Variants in ATF7 observed in about 807,000 individuals in gnomAD.
ATF7 encodes the protein activating transcription factor 7.
A neutral mutation model predicts 50.4 loss-of-function variants in ATF7; 10 were observed. The ratio of observed to expected loss-of-function variants is 0.20; its 90% confidence interval spans 0.12 to 0.34. The LOEUF (loss-of-function observed/expected upper bound fraction) is 0.34. Ranked by LOEUF, ATF7 falls within the 10% of genes least tolerant of loss-of-function variation. The pLI, the probability that ATF7 is intolerant of heterozygous loss-of-function variation, is 1.00. For missense variants in ATF7, 465 were observed against 613.9 expected (o/e 0.76, Z 2.56); for synonymous variants, 201 against 226.4 (o/e 0.89, Z 1.01).
intron 1 of ATF7, among the ~76,000 whole-genome samples, chr12:53,611,853 T>A (rs1943892590): frequency 2.0e-5 from 3 of 152,158 alleles, no homozygotes; most frequent in Middle Eastern, 3.4e-3. Flanking sequence ...CTCAGCCTCC[T>A]AAACTGCTGG....
At chr12:53,539,398 C>T (rs920233916) in intron 4 of ATF7, among the ~76,000 whole-genome samples, 1 of 151,892 alleles carries the variant, frequency 6.6e-6, no homozygotes, top group South Asian at 2.1e-4. Flanking sequence ...GTGCAAATAG[C>T]AAAACCCTTT....
At chr12:53,552,731 G>A (rs1361813181) in intron 2 of ATF7, 94 bp from the exon 3 acceptor site, 1 of 931,338 alleles carries the variant, frequency 1.1e-6, no homozygotes, top group Non-Finnish European at 1.7e-6. Context: ...CTTGCAATGA[G>A]ATTGGTCCCT....
chr12:53,534,619 G>T lies in ATF7; in HGVS notation c.443C>A (p.Pro148His). The change falls in exon 6 of 12, where the codon CCC becomes CAC. Residue 148 changes from proline to histidine, a missense_variant. Coordinates refer to ENST00000420353, the MANE Select transcript of ATF7 (RefSeq NM_006856.3). ...CAGGGAGCCAGGACGTACAATGGTG[G>T]GTGTGGGGGTAGAGATCAGAACAGG... ...PKPVLISTPTPTIVRPGSLPL... is the reference protein window; with the variant it reads ...PKPVLISTPTHTIVRPGSLPL... 1 of 1,612,846 alleles carries T rather than the reference G, an allele frequency of 6.2e-7. No homozygotes were observed. The highest frequency in any genetic ancestry group is 1.1e-5 in the South Asian group (1 of 90,900).
At chr12:53,617,797 C>T (rs1944204415) in intron 1 of ATF7, among the ~76,000 whole-genome samples, 1 of 151,856 alleles carries the variant, frequency 6.6e-6, no homozygotes, top group Non-Finnish European at 1.5e-5. Context: ...ACTCATCCTT[C>T]ATTTCCGAGG....
chr12:53,529,325 G>C (rs1177690932), intron 9 of ATF7, among the ~76,000 whole-genome samples: 1 of 151,974 alleles, frequency 6.6e-6, no homozygotes, highest in African/African-American at 2.4e-5. Flanking sequence ...TCGGCCTCCT[G>C]AGTAGCTGGG....
chr12:53,521,725 A>G (rs1432168511), intron 11 of ATF7, among the ~76,000 whole-genome samples: 1 of 152,202 alleles, frequency 6.6e-6, no homozygotes, highest in Admixed American at 6.5e-5. Flanking sequence ...CTCACCCACT[A>G]AAATATAAGC....
Position 53,524,964 on chromosome 12 carries a change from G to A in ATF7, c.928-203C>T. 1.9e-6 allele frequency: 1 copy of A among 540,122 alleles called. No individual in the cohort carries two copies. Among genetic ancestry groups the A allele is most frequent in the South Asian group, 2.7e-5 (1 of 37,342 alleles). 33.5% of individuals were successfully genotyped at this position (540,122 alleles called of 1,614,324 possible). ...CTCCTATTTCCTTCCAGTCTTCTCA[G>A]TCTCATACTTAGACAAACTACAGTT... On this transcript the variant is annotated intron_variant, in intron 9 of 11. Coordinates refer to ENST00000420353, the MANE Select transcript of ATF7 (RefSeq NM_006856.3). This position sits in a 1 kb window ranked among gnomAD's most constrained non-coding sequence, Gnocchi z 4.6.
At chr12:53,533,327 T>G in intron 6 of ATF7, 68 bp from the exon 7 acceptor site, 1 of 1,336,694 alleles carries the variant, frequency 7.5e-7, no homozygotes, top group Non-Finnish European at 1.1e-6. Context: ...CTCTTATAAT[T>G]ACAGAAGATT....
chr12:53,535,308 G>A (rs1205870629), intron 5 of ATF7, among the ~76,000 whole-genome samples: 34 of 134,668 alleles, frequency 2.5e-4, no homozygotes, highest in African/African-American at 9.9e-4. Flanking sequence ...CCAGCCTGGC[G>A]ACAGAGCGAG....
At chr12:53,526,126 C>T (rs1350307367) in intron 9 of ATF7, among the ~76,000 whole-genome samples, 1 of 150,784 alleles carries the variant, frequency 6.6e-6, no homozygotes. Context: ...AGGAGAATTG[C>T]TTGAACCTGA....
chr12:53,533,387 T>C (rs1592804572), intron 6 of ATF7, 128 bp from the exon 7 acceptor site: 2 of 691,598 alleles, frequency 2.9e-6, no homozygotes, highest in South Asian at 3.8e-5. Context: ...GGTAAAAATC[T>C]TGACACCCTC....
chr12:53,528,443 C>G (rs944118885), intron 9 of ATF7, among the ~76,000 whole-genome samples: 1 of 151,978 alleles, frequency 6.6e-6, no homozygotes, highest in South Asian at 2.1e-4. Context: ...GCCTGGGCAA[C>G]ACGGTGAAAC....
At chr12:53,621,572 A>T (rs1284787867) in intron 1 of ATF7, among the ~76,000 whole-genome samples, 1 of 151,986 alleles carries the variant, frequency 6.6e-6, no homozygotes, top group Non-Finnish European at 1.5e-5. Flanking sequence ...ACTTAAAGTC[A>T]GGAGTTCGGG....
chr12:53,608,248 T>C (rs1192370048), intron 1 of ATF7, among the ~76,000 whole-genome samples: 2 of 148,178 alleles, frequency 1.3e-5, no homozygotes, highest in East Asian at 3.9e-4. Flanking sequence ...GAAAGAAGTC[T>C]GAGTTTAAAA....
rs114025929 is a variant in ATF7 at position 53,529,619 on chromosome 12, C to T, written c.927+2125G>A. 6.6e-3 allele frequency among the ~76,000 whole-genome samples: 967 copies of T among 147,414 alleles called. 9 individuals carry two copies. The highest frequency in any genetic ancestry group is 0.023 in the African/African-American group (924 of 40,066). On this transcript the variant is annotated intron_variant, in intron 9 of 11. Transcript: ENST00000420353. ...GACTACAGCTGTGAGCTACCGCACC[C>T]GGCCCTCTACTATTATTTATAATAT...
rs186358398 is a variant in ATF7 at position 53,536,320 on chromosome 12, A to C, written c.402+1095T>G. On this transcript the variant is annotated intron_variant, in intron 5 of 11. Coordinates refer to ENST00000420353, the MANE Select transcript of ATF7 (RefSeq NM_006856.3). ...GAGACGGAGTTTTGCTCTGTCGCTC[A>C]GGCTGGAGTGCAATGGTGCAATCTT... 2.0e-5 allele frequency among the ~76,000 whole-genome samples: 3 copies of C among 149,220 alleles called. No homozygotes were observed. In the Admixed American group the frequency reaches 2.0e-4, roughly 10 times the overall value.
intron 4 of ATF7, among the ~76,000 whole-genome samples, chr12:53,541,420 A>G (rs1939544914): frequency 6.6e-6 from 1 of 152,132 alleles, no homozygotes; most frequent in Admixed American, 6.6e-5. Flanking sequence ...GTGACCAATA[A>G]CCTAGAATTC....
chr12:53,599,793 A>G (rs1171553132), intron 2 of ATF7, among the ~76,000 whole-genome samples: 1 of 152,218 alleles, frequency 6.6e-6, no homozygotes, highest in Non-Finnish European at 1.5e-5. Flanking sequence ...GGACAGTCAC[A>G]TGACATATTC....
intron 2 of ATF7, among the ~76,000 whole-genome samples, chr12:53,596,679 G>A (rs551537037): frequency 2.0e-5 from 3 of 152,272 alleles, no homozygotes; most frequent in African/African-American, 4.8e-5. Context: ...CAAGATTACT[G>A]ACAGAGACAT....
Sources: gnomAD v4.1 joint callset for allele counts (sites outside exome capture counted in the v4.1 genomes callset) on GRCh38, gnomAD v4.1.1 for gene constraint, Gnocchi (gnomAD v3.1) non-coding constraint, MANE v1.5 for transcripts, NCBI Gene and HGNC (gene_info 2026-07-23, HGNC 2026-07-21) for gene names.